The following CREB5 variants were observed in gnomAD, a reference collection of about 807,000 sequenced individuals.
The protein encoded by CREB5 is cAMP responsive element binding protein 5, also known as cyclic AMP-responsive element-binding protein 5.
CREB5 carries 19 observed loss-of-function variants against 57.1 expected under a neutral mutation model. The observed-to-expected ratio is 0.33, with a 90% confidence interval of 0.23 to 0.49. The LOEUF (loss-of-function observed/expected upper bound fraction) is 0.49, where lower values mean the gene tolerates loss of function less well. Among genes scored for constraint, CREB5 ranks in the 20% least tolerant of loss-of-function variants. The pLI, the probability that CREB5 is intolerant of heterozygous loss-of-function variation, is 0.99. For synonymous variants in CREB5, 238 were observed against 238.3 expected (o/e 1.00, Z 0.01); for missense variants, 579 against 671.6 (o/e 0.86, Z 1.52).
intron 5 of CREB5, 77 bp from the exon 6 acceptor site, chr7:28,718,676 C>T (rs1033076552): frequency 6.4e-7 from 1 of 1,571,324 alleles, no homozygotes; most frequent in Non-Finnish European, 8.6e-7. Flanking sequence ...ACATTGTTGT[C>T]CCTGCTGTTC....
chr7:28,624,092 G>C (rs1007276726), intron 5 of CREB5, among the ~76,000 whole-genome samples: 2 of 152,130 alleles, frequency 1.3e-5, no homozygotes, highest in African/African-American at 4.8e-5. Flanking sequence ...ACCTAAACCA[G>C]ATAGTCTGAA....
At chr7:28,398,713 T>A (rs962983561) in intron 1 of CREB5, among the ~76,000 whole-genome samples, 1 of 152,092 alleles carries the variant, frequency 6.6e-6, no homozygotes, top group African/African-American at 2.4e-5. Flanking sequence ...ACAATTAATA[T>A]TATTATTATT....
rs907909555 is a variant in CREB5, at chr7:28,821,697, C to A, written c.*2418C>A. The A allele has an allele frequency of 2.6e-5, 4 of 152,136 alleles. No individual in the cohort carries two copies. The highest frequency in any genetic ancestry group is 1.3e-4 in the Admixed American group (2 of 15,280). 9.4% of individuals were successfully genotyped at this position (152,136 alleles called of 1,614,324 possible). A position where few individuals can be genotyped will look rare whatever the true frequency, so the allele number is the denominator to read the frequency against. On this transcript the variant is annotated 3_prime_UTR_variant, in exon 11 of 11. Transcript: ENST00000357727. The stretch of plus-strand genomic sequence containing the variant: ...AACATTCATATCTCTGTTTTGAAAT[C>A]AAAAATCATATTTCAAAATTCTTTC...
At position 28,620,549 on chromosome 7, in the gene CREB5, G is replaced by A. The variant is rs41286; in HGVS notation, c.464+50012G>A. ...GAATTCTCTCAGGTAGTGAAGGTAG[G>A]CAGAAGGTAAGTTTCTAGATACAAA... is the stretch of plus-strand genomic sequence containing the variant. On this transcript the variant is annotated intron_variant, in intron 5 of 10. Transcript: ENST00000357727. Among the ~76,000 whole-genome samples, 499 of 152,294 alleles carry A rather than the reference G, an allele frequency of 3.3e-3. 1 individual carries two copies. The highest frequency in any genetic ancestry group is 0.012 in the African/African-American group (480 of 41,558).
At chr7:28,475,949 G>C (rs942165837) in intron 1 of CREB5, among the ~76,000 whole-genome samples, 2 of 152,150 alleles carry the variant, frequency 1.3e-5, no homozygotes, top group Non-Finnish European at 2.9e-5. Context: ...CTTCACCCCA[G>C]AGTCAAGTGA....
intron 5 of CREB5, among the ~76,000 whole-genome samples, chr7:28,642,162 T>TA (rs1798684462): frequency 6.6e-6 from 1 of 152,180 alleles, no homozygotes; most frequent in Non-Finnish European, 1.5e-5. Flanking sequence ...TTTTTTGCTA[T>TA]AAAAAAATAA....
chr7:28,719,833 G>A lies in CREB5; in HGVS notation c.591+954G>A, dbSNP rs180815454. Reference sequence around the variant, plus strand: ...TCCCAGCACTTTGGGAGGCCAAGGTGGGTAGATCATGAGGTCAAGAGATCG... The same window carrying A: ...TCCCAGCACTTTGGGAGGCCAAGGTAGGTAGATCATGAGGTCAAGAGATCG... On this transcript the variant is annotated intron_variant, in intron 6 of 10. Transcript: ENST00000357727. Among the ~76,000 whole-genome samples, 42 of 152,256 alleles carry A rather than the reference G, an allele frequency of 2.8e-4. No individual in the cohort carries two copies. The East Asian group carries it at 7.9e-3, about 29-fold the overall frequency.
chr7:28,715,954 A>G (rs1396832331), intron 5 of CREB5, among the ~76,000 whole-genome samples: 1 of 152,198 alleles, frequency 6.6e-6, no homozygotes, highest in Non-Finnish European at 1.5e-5. Context: ...GTAGGTCTCT[A>G]CAAAGTGTAG....
chr7:28,796,965 C>T (rs1808082477), intron 7 of CREB5, among the ~76,000 whole-genome samples: 1 of 152,158 alleles, frequency 6.6e-6, no homozygotes, highest in Admixed American at 6.5e-5. Context: ...AAAAGACAGC[C>T]ACTGAGTCCA....
intron 5 of CREB5, among the ~76,000 whole-genome samples, chr7:28,679,667 G>C (rs1368427514): frequency 6.6e-6 from 1 of 152,172 alleles, no homozygotes. Context: ...TCCTAAGATG[G>C]TTGTCTTCCC....
intron 1 of CREB5, among the ~76,000 whole-genome samples, chr7:28,470,206 T>A (rs1195632596): frequency 2.6e-5 from 4 of 152,124 alleles, no homozygotes; most frequent in Admixed American, 2.6e-4. Context: ...ACCATCCCCA[T>A]CTCCCCCTGA....
At position 28,726,299 on chromosome 7, in the gene CREB5, A is replaced by G. The variant is rs184794275; in HGVS notation, c.702+1967A>G. 3.3e-3 allele frequency among the ~76,000 whole-genome samples: 500 copies of G among 152,244 alleles called. 8 individuals carry two copies. Among genetic ancestry groups the G allele is most frequent in the Admixed American group, 0.02 (310 of 15,280 alleles). On this transcript the variant is annotated intron_variant, in intron 7 of 10. Coordinates refer to ENST00000357727, the MANE Select transcript of CREB5 (RefSeq NM_182898.4). The stretch of plus-strand genomic sequence containing the variant: ...CCCACCTCTACCCCTGTTATTGCCA[A>G]TACATCAATTTGAAGGGAAAAATGG...
intron 1 of CREB5, among the ~76,000 whole-genome samples, chr7:28,353,483 G>A (rs540219190): frequency 3.9e-4 from 60 of 152,224 alleles, no homozygotes; most frequent in African/African-American, 1.3e-3. Context: ...AAGACTAGCC[G>A]GGTGGAAAAG....
intron 4 of CREB5, among the ~76,000 whole-genome samples, chr7:28,555,184 G>A (rs1414151122): frequency 3.3e-5 from 5 of 151,546 alleles, no homozygotes; most frequent in African/African-American, 1.2e-4. Flanking sequence ...ATGGTGGTGT[G>A]CAAGGATGTT....
intron 1 of CREB5, among the ~76,000 whole-genome samples, chr7:28,425,583 A>G (rs1788474786): frequency 6.6e-6 from 1 of 152,210 alleles, no homozygotes; most frequent in African/African-American, 2.4e-5. Context: ...AGTGAATTGT[A>G]TGGTATGTGA....
intron 1 of CREB5, among the ~76,000 whole-genome samples, chr7:28,369,657 G>A (rs899228629): frequency 1.3e-5 from 2 of 152,148 alleles, no homozygotes; most frequent in African/African-American, 4.8e-5. Context: ...TTACTGCTTT[G>A]TCCAATGGCC....
At chr7:28,462,652 C>T (rs975091471) in intron 1 of CREB5, among the ~76,000 whole-genome samples, 1 of 152,144 alleles carries the variant, frequency 6.6e-6, no homozygotes, top group African/African-American at 2.4e-5. Context: ...ATTTGCCTTT[C>T]CCTAGTGACT....
intron 7 of CREB5, among the ~76,000 whole-genome samples, chr7:28,780,462 C>A (rs915065067): frequency 6.6e-6 from 1 of 152,136 alleles, no homozygotes; most frequent in African/African-American, 2.4e-5. Context: ...TGGCTCATGC[C>A]TGTAATCCCA....
intron 1 of CREB5, among the ~76,000 whole-genome samples, chr7:28,356,154 C>T (rs896096435): frequency 6.6e-6 from 1 of 152,164 alleles, no homozygotes; most frequent in African/African-American, 2.4e-5. Flanking sequence ...TAATTGAATG[C>T]AGATAGGTAA....
Sources: gnomAD v4.1 joint callset for allele counts (sites outside exome capture counted in the v4.1 genomes callset) on GRCh38, gnomAD v4.1.1 for gene constraint, MANE v1.5 for transcripts, NCBI Gene and HGNC (gene_info 2026-07-23, HGNC 2026-07-21) for gene names.